The following NRXN3 variants were observed in gnomAD, a reference collection of about 807,000 sequenced individuals.
NRXN3 encodes neurexin III.
In NRXN3, 32 loss-of-function variants were observed where a neutral mutation model predicts 137.6. That is an observed-to-expected ratio of 0.23 (90% CI 0.18 to 0.31). NRXN3 has a LOEUF of 0.31. Ranked by LOEUF, NRXN3 falls within the 10% of genes least tolerant of loss-of-function variation. The probability of loss-of-function intolerance (pLI) is 1.00; values close to 1 mark genes in which losing one functional copy is unlikely to be tolerated. For synonymous variants in NRXN3, 798 were observed against 784.5 expected, an observed-to-expected ratio of 1.02 and a Z score of -0.29; for missense variants, 1,574 against 2,062.5, an observed-to-expected ratio of 0.76 and a Z score of 4.59.
At chr14:78,184,261 C>T (rs752496177) in intron 1 of NRXN3, among the ~76,000 whole-genome samples, 4 of 152,186 alleles carry the variant, frequency 2.6e-5, no homozygotes, top group Admixed American at 2.0e-4. Flanking sequence ...AGCGCCCGCT[C>T]GATGCCAGGC....
At chr14:78,919,017 A>T (rs1380750485) in intron 10 of NRXN3, among the ~76,000 whole-genome samples, 2 of 152,228 alleles carry the variant, frequency 1.3e-5, no homozygotes, top group African/African-American at 2.4e-5. Context: ...AAGAGAAAGC[A>T]TGTGATCCCA....
chr14:79,605,224 C>G (rs1357485297), intron 16 of NRXN3, among the ~76,000 whole-genome samples: 1 of 152,206 alleles, frequency 6.6e-6, no homozygotes, highest in Non-Finnish European at 1.5e-5. Context: ...CCACTGCTGT[C>G]TGTGTGTCAC....
intron 19 of NRXN3, among the ~76,000 whole-genome samples, chr14:79,718,497 A>C (rs537378947): frequency 6.6e-6 from 1 of 152,244 alleles, no homozygotes; most frequent in African/African-American, 2.4e-5. Flanking sequence ...TTACTCTGCC[A>C]TGTTGAGAAA....
At chr14:79,173,894 T>G (rs561992258) in intron 15 of NRXN3, among the ~76,000 whole-genome samples, 1 of 152,220 alleles carries the variant, frequency 6.6e-6, no homozygotes, top group Non-Finnish European at 1.5e-5. Flanking sequence ...AACAGGAAGG[T>G]GAAAGCAAAA....
intron 15 of NRXN3, among the ~76,000 whole-genome samples, chr14:79,253,062 A>G (rs1333030415): frequency 9.9e-5 from 15 of 152,182 alleles, no homozygotes; most frequent in Non-Finnish European, 5.9e-5. Context: ...GACTAGACCA[A>G]GTAGCGTGAC....
At chr14:79,460,390 T>C (rs2153602155) in intron 15 of NRXN3, among the ~76,000 whole-genome samples, 1 of 152,294 alleles carries the variant, frequency 6.6e-6, no homozygotes, top group East Asian at 1.9e-4. Context: ...GGTAGACTTT[T>C]TTTTATTCAT....
intron 16 of NRXN3, among the ~76,000 whole-genome samples, chr14:79,500,935 TAA>T (rs1235513862): frequency 6.6e-6 from 1 of 152,228 alleles, no homozygotes; most frequent in Non-Finnish European, 1.5e-5. Flanking sequence ...GACTAATACA[TAA>T]GTTATGTTGG....
intron 15 of NRXN3, among the ~76,000 whole-genome samples, chr14:79,210,238 G>A (rs916636063): frequency 1.3e-5 from 2 of 152,160 alleles, no homozygotes; most frequent in Admixed American, 6.5e-5. Context: ...GGTGTTCTGA[G>A]AGATGTTATT....
intron 19 of NRXN3, among the ~76,000 whole-genome samples, chr14:79,737,611 T>C (rs560585997): frequency 2.3e-4 from 35 of 152,344 alleles, no homozygotes; most frequent in African/African-American, 5.8e-4. Flanking sequence ...ATTGCATATT[T>C]TGACCCACAA....
At chr14:78,887,396 T>A (rs960632956) in intron 10 of NRXN3, among the ~76,000 whole-genome samples, 1 of 151,960 alleles carries the variant, frequency 6.6e-6, no homozygotes, top group East Asian at 1.9e-4. Context: ...GAAAGAGGGA[T>A]GTATACAGAT....
At chr14:79,441,420 T>C (rs941855985) in intron 15 of NRXN3, among the ~76,000 whole-genome samples, 41 of 131,108 alleles carry the variant, frequency 3.1e-4, no homozygotes, top group East Asian at 1.0e-3. Context: ...CGCTCTGTTG[T>C]CCAGGCTGGA....
intron 4 of NRXN3, among the ~76,000 whole-genome samples, chr14:78,638,042 C>G (rs1167620942): frequency 6.6e-6 from 1 of 152,190 alleles, no homozygotes; most frequent in Admixed American, 6.5e-5. Context: ...CCAGGCCATT[C>G]TTCTGTGGAC....
chr14:79,747,511 T>A (rs1218177896), intron 19 of NRXN3, among the ~76,000 whole-genome samples: 1 of 151,876 alleles, frequency 6.6e-6, no homozygotes, highest in African/African-American at 2.4e-5. Context: ...ATTCAAAATA[T>A]CCTATTGTGG....
chr14:79,263,456 A>T (rs992552989), intron 15 of NRXN3, among the ~76,000 whole-genome samples: 1 of 152,252 alleles, frequency 6.6e-6, no homozygotes, highest in South Asian at 2.1e-4. Flanking sequence ...GTGTGTGTTT[A>T]TCTCATTCAT....
intron 4 of NRXN3, among the ~76,000 whole-genome samples, chr14:78,556,527 T>G (rs8004047): frequency 0.24 from 35,805 of 151,960 alleles, 4,456 homozygotes; most frequent in Middle Eastern, 0.31. Context: ...GGTTACCAAA[T>G]AATAATGCAT....
chr14:78,218,982 A>C lies in NRXN3; in HGVS notation c.-703-23409A>C, dbSNP rs139958795. 3.8e-3 allele frequency among the ~76,000 whole-genome samples: 572 copies of C among 152,300 alleles called. 4 individuals are homozygous for C. The highest frequency in any genetic ancestry group is 0.013 in the African/African-American group (551 of 41,558). On this transcript the variant is annotated intron_variant, in intron 1 of 20. Transcript: ENST00000335750. Reference sequence around the variant, plus strand: ...CAGATGGCTGTATTCTCTCCGTGTCATTACATTGCTTTCCCTCTGCGTGTA... The same window carrying C: ...CAGATGGCTGTATTCTCTCCGTGTCCTTACATTGCTTTCCCTCTGCGTGTA...
At chr14:78,766,029 C>T (rs980021993) in intron 8 of NRXN3, among the ~76,000 whole-genome samples, 2 of 152,186 alleles carry the variant, frequency 1.3e-5, no homozygotes, top group African/African-American at 4.8e-5. Flanking sequence ...AGCCCAGCAC[C>T]TAGCCCATCA....
At chr14:78,770,331 TTC>T (rs2098723074) in intron 8 of NRXN3, among the ~76,000 whole-genome samples, 1 of 152,114 alleles carries the variant, frequency 6.6e-6, no homozygotes, top group Non-Finnish European at 1.5e-5. Context: ...TCTGAGGGAA[TTC>T]AGCTCCTTGG....
chr14:78,404,525 G>A (rs892514190), intron 4 of NRXN3, among the ~76,000 whole-genome samples: 17 of 152,102 alleles, frequency 1.1e-4, no homozygotes, highest in African/African-American at 4.1e-4. Flanking sequence ...GAAAGGTCAG[G>A]AATGAGGGAA....
Sources: gnomAD v4.1 joint callset for allele counts (sites outside exome capture counted in the v4.1 genomes callset) on GRCh38, gnomAD v4.1.1 for gene constraint, MANE v1.5 for transcripts, NCBI Gene and HGNC (gene_info 2026-07-23, HGNC 2026-07-21) for gene names.